The following ANXA4 variants were observed in gnomAD, a reference collection of about 807,000 sequenced individuals.
ANXA4 encodes annexin A4, also known as 35-beta calcimedin.
Under a neutral mutation model 49.8 loss-of-function variants are expected in ANXA4, and 39 were observed. That is an observed-to-expected ratio of 0.78 (90% CI 0.61 to 1.02). The LOEUF is 1.02. Ranked by LOEUF, ANXA4 falls within the 50% of genes least tolerant of loss-of-function variation. The pLI is 0.00. For missense variants in ANXA4, 360 were observed against 410.1 expected, an observed-to-expected ratio of 0.88 and a Z score of 1.05; for synonymous variants, 134 against 152.5, an observed-to-expected ratio of 0.88 and a Z score of 0.89.
At chr2:69,785,053 ACAATTCATC>A (rs1672357904) in intron 2 of ANXA4, among the ~76,000 whole-genome samples, 1 of 152,198 alleles carries the variant, frequency 6.6e-6, no homozygotes, top group East Asian at 1.9e-4. Context: ...GGGGGGAGAT[ACAATTCATC>A]CAATAACGGG....
chr2:69,765,881 G>T (rs953661365), intron 1 of ANXA4, among the ~76,000 whole-genome samples: 4 of 152,178 alleles, frequency 2.6e-5, no homozygotes, highest in Non-Finnish European at 4.4e-5. Flanking sequence ...CCTTCAGGAA[G>T]CCCAAAGAGC....
chr2:69,815,858 T>C, intron 8 of ANXA4: 2 of 487,872 alleles, frequency 4.1e-6, no homozygotes, highest in Non-Finnish European at 7.4e-6. Context: ...GATAGAACCA[T>C]GTAGTCTCCA....
In ANXA4 at chr2:69,816,126, A is replaced by C. The variant is rs1210578713; in HGVS notation, c.560A>C (p.Lys187Thr). 6.2e-7 allele frequency: 1 copy of C among 1,614,120 alleles called. No individual in the cohort carries two copies. Among genetic ancestry groups the C allele is most frequent in the African/African-American group, 1.3e-5 (1 of 75,052 alleles). The change falls in exon 9 of 13, where the codon AAA becomes ACA. Residue 187 changes from lysine (K) to threonine (T), a missense_variant. Lys to Thr is a moderately conservative substitution (Grantham distance 78). Coordinates refer to ENST00000394295, the MANE Select transcript of ANXA4 (RefSeq NM_001153.5). ...GACCTGTATGAGGCTGGAGAGAAGA[A>C]ATGGGGGACAGATGAGGTGAAATTT... is the stretch of plus-strand genomic sequence containing the variant. ...AQDLYEAGEKKWGTDEVKFLT... is the reference protein window; with the variant it reads ...AQDLYEAGEKTWGTDEVKFLT...
chr2:69,768,721 G>C (rs765755263), intron 1 of ANXA4, among the ~76,000 whole-genome samples: 1 of 152,070 alleles, frequency 6.6e-6, no homozygotes, highest in Non-Finnish European at 1.5e-5. Flanking sequence ...TACCACATCA[G>C]CTTCTTGTTT....
chr2:69,798,973 C>G (rs1349144728), intron 3 of ANXA4, among the ~76,000 whole-genome samples: 1 of 152,138 alleles, frequency 6.6e-6, no homozygotes, highest in Non-Finnish European at 1.5e-5. Flanking sequence ...CTCACAGTCA[C>G]AGAGAGGGGT....
At chr2:69,651,445 T>C (rs114067967) in intron 1 of ANXA4, among the ~76,000 whole-genome samples, 2,741 of 152,328 alleles carry the variant, frequency 0.018, 68 homozygotes, top group African/African-American at 0.063. Flanking sequence ...CTCTTCCTTT[T>C]TACCTCAATC....
At chr2:69,804,243 T>C (rs988774426) in intron 3 of ANXA4, among the ~76,000 whole-genome samples, 6 of 152,100 alleles carry the variant, frequency 3.9e-5, no homozygotes, top group Non-Finnish European at 2.9e-5. Flanking sequence ...TATTAACACT[T>C]GCAGCAGCCT....
intron 2 of ANXA4, among the ~76,000 whole-genome samples, chr2:69,682,960 A>G (rs1677650442): frequency 6.6e-6 from 1 of 152,220 alleles, no homozygotes; most frequent in Non-Finnish European, 1.5e-5. Flanking sequence ...AGCATGTATC[A>G]TTTTTACTAA....
intron 2 of ANXA4, among the ~76,000 whole-genome samples, chr2:69,678,428 C>T (rs1677485189): frequency 8.7e-6 from 1 of 115,350 alleles, no homozygotes; most frequent in Admixed American, 1.1e-4. Context: ...GGGTCTTACT[C>T]TGTCACCCAG....
chr2:69,663,607 T>C (rs1051237720), intron 2 of ANXA4, among the ~76,000 whole-genome samples: 1 of 151,964 alleles, frequency 6.6e-6, no homozygotes, highest in Non-Finnish European at 1.5e-5. Flanking sequence ...TAGTGTGCTA[T>C]TATCATGCCT....
intron 2 of ANXA4, among the ~76,000 whole-genome samples, chr2:69,656,325 ATATATATGTGTATATATATGTG>A (rs1559046347): frequency 0.016 from 1,583 of 98,002 alleles, 72 homozygotes; most frequent in African/African-American, 0.069. Context: ...ATATATATGT[ATATATATGTGTATATATATGTG>A]TATATATGTG....
At chr2:69,644,713 T>C (rs1360145374) in exon 1 of ANXA4, 3 of 152,266 alleles carry the variant, frequency 2.0e-5, no homozygotes, top group Non-Finnish European at 2.9e-5. Context: ...TTGCTGACGC[T>C]GTGGGTGCGC....
At chr2:69,677,762 C>T (rs1677459410) in intron 2 of ANXA4, among the ~76,000 whole-genome samples, 1 of 152,148 alleles carries the variant, frequency 6.6e-6, no homozygotes, top group African/African-American at 2.4e-5. Flanking sequence ...TCCCATTTCT[C>T]CACAGAAGCA....
At chr2:69,819,121 T>C (rs976431882) in intron 10 of ANXA4, among the ~76,000 whole-genome samples, 159 bp from the exon 11 acceptor site, 6 of 152,236 alleles carry the variant, frequency 3.9e-5, no homozygotes, top group Admixed American at 1.3e-4. Flanking sequence ...TGAAAATACA[T>C]AGAGCATCGC....
intron 3 of ANXA4, among the ~76,000 whole-genome samples, chr2:69,732,233 T>C (rs1670123967): frequency 6.6e-6 from 1 of 151,458 alleles, no homozygotes; most frequent in South Asian, 2.1e-4. Flanking sequence ...CGCCTCGGCC[T>C]CCCAAAGTGC....
intron 8 of ANXA4, 97 bp downstream of exon 8, chr2:69,812,806 T>G (rs956998188): frequency 1.4e-5 from 15 of 1,041,144 alleles, no homozygotes; most frequent in African/African-American, 3.2e-5. Context: ...ACAGTGTATA[T>G]TAGCCAGGCT....
chr2:69,726,412 C>G (rs1669963838), intron 3 of ANXA4, among the ~76,000 whole-genome samples: 1 of 152,180 alleles, frequency 6.6e-6, no homozygotes, highest in South Asian at 2.1e-4. Flanking sequence ...CCAATCCAAG[C>G]ATTCTTCAGC....
chr2:69,804,422 T>C, intron 3 of ANXA4, 111 bp from the exon 4 acceptor site: 1 of 936,618 alleles, frequency 1.1e-6, no homozygotes, highest in Non-Finnish European at 1.6e-6. Context: ...GGGCCTCTTT[T>C]CTTAGAAAGC....
chr2:69,725,240 A>G (rs1043217610), intron 3 of ANXA4, among the ~76,000 whole-genome samples: 14 of 152,038 alleles, frequency 9.2e-5, no homozygotes, highest in African/African-American at 3.4e-4. Context: ...ATTAACATAT[A>G]TATTAACATC....
Sources: gnomAD v4.1 joint callset for allele counts (sites outside exome capture counted in the v4.1 genomes callset) on GRCh38, gnomAD v4.1.1 for gene constraint, MANE v1.5 for transcripts, NCBI Gene and HGNC (gene_info 2026-07-23, HGNC 2026-07-21) for gene names.